The following TLN2 variants were observed in gnomAD, a reference collection of about 807,000 sequenced individuals.
The protein encoded by TLN2 is talin 2.
In TLN2, 118 loss-of-function variants were observed where a neutral mutation model predicts 294.7. That is an observed-to-expected ratio of 0.40 (90% CI 0.34 to 0.47). The LOEUF is 0.47. Among genes scored for constraint, TLN2 ranks in the 20% least tolerant of loss-of-function variants. TLN2 has a pLI of 0.84. For synonymous variants in TLN2, 1,431 were observed against 1,304.5 expected (o/e 1.10, Z -2.09); for missense variants, 3,083 against 3,282.2 (o/e 0.94, Z 1.48).
At chr15:62,650,538 C>G (rs2140941727) in intron 5 of TLN2, among the ~76,000 whole-genome samples, 1 of 152,136 alleles carries the variant, frequency 6.6e-6, no homozygotes, top group South Asian at 2.1e-4. Flanking sequence ...AAATGTAACC[C>G]TAATGGTAGT....
In TLN2 at chr15:62,744,639, CG is replaced by C. The variant is rs1160364762; in HGVS notation, c.4026-3709del. Among the ~76,000 whole-genome samples, 7 of 151,950 alleles carry C rather than the reference CG, an allele frequency of 4.6e-5. No homozygotes were observed. In the East Asian group the frequency reaches 1.4e-3, roughly 29 times the overall value. On this transcript the variant is annotated intron_variant, in intron 32 of 58. Coordinates refer to ENST00000636159, the MANE Select transcript of TLN2 (RefSeq NM_015059.3). ...TCGGCTCACTGCAGCCTCCACCTCCCGGGTTCAAGTGATTCTCCTGGCTCAG... is the reference window on the plus strand; with the variant it reads ...TCGGCTCACTGCAGCCTCCACCTCCCGGTTCAAGTGATTCTCCTGGCTCAG...
At chr15:62,600,147 G>T (rs1173346010) in intron 2 of TLN2, among the ~76,000 whole-genome samples, 3 of 152,118 alleles carry the variant, frequency 2.0e-5, no homozygotes, top group Non-Finnish European at 4.4e-5. Flanking sequence ...AACAACAGTG[G>T]GTTATACAGG....
intron 1 of TLN2, among the ~76,000 whole-genome samples, chr15:62,403,228 AAGAG>A (rs1186162249): frequency 6.7e-6 from 1 of 149,894 alleles, no homozygotes; most frequent in Admixed American, 6.6e-5. Flanking sequence ...AAAAAAAAAA[AAGAG>A]AGGAAAAAAA....
At chr15:62,497,771 A>AT (rs571950074) in intron 1 of TLN2, among the ~76,000 whole-genome samples, 2 of 152,232 alleles carry the variant, frequency 1.3e-5, no homozygotes, top group Admixed American at 1.3e-4. Flanking sequence ...ATAGCTCTAA[A>AT]TTTTTTTAAG....
At position 62,732,824 on chromosome 15, in the gene TLN2, G is replaced by T. The variant is rs141332809; in HGVS notation, c.3359-4054G>T. Reference sequence around the variant, plus strand: ...TGGCCTTATAGCTGAGTGAAGAGTTGTATGAATCACTGGTGGGAACACAGG... The same window carrying T: ...TGGCCTTATAGCTGAGTGAAGAGTTTTATGAATCACTGGTGGGAACACAGG... On this transcript the variant is annotated intron_variant, in intron 28 of 58. Coordinates refer to ENST00000636159, the MANE Select transcript of TLN2 (RefSeq NM_015059.3). Among the ~76,000 whole-genome samples, 117 of 152,298 alleles carry T rather than the reference G, an allele frequency of 7.7e-4. 1 individual carries two copies. Among genetic ancestry groups the T allele is most frequent in the Middle Eastern group, 3.4e-3 (1 of 294 alleles).
chr15:62,634,211 G>T (rs181815550), intron 3 of TLN2, among the ~76,000 whole-genome samples: 1 of 152,306 alleles, frequency 6.6e-6, no homozygotes, highest in East Asian at 1.9e-4. Flanking sequence ...TATCAATTTT[G>T]TAGGTTGGTG....
intron 11 of TLN2, among the ~76,000 whole-genome samples, chr15:62,679,322 CAT>C (rs1175473258): frequency 3.3e-5 from 5 of 152,186 alleles, no homozygotes; most frequent in South Asian, 2.1e-4. Flanking sequence ...AAAACTCACA[CAT>C]ATGTGTTCAC....
intron 1 of TLN2, among the ~76,000 whole-genome samples, chr15:62,506,494 T>A (rs2039629218): frequency 2.0e-5 from 3 of 152,238 alleles, no homozygotes; most frequent in Admixed American, 6.5e-5. Flanking sequence ...ACATTTGGAA[T>A]TCCTAGGAAC....
Position 62,719,796 on chromosome 15 carries a change from C to G in TLN2, c.2907C>G (p.Val969=), listed in dbSNP as rs1412861476. ...TGGCTGATCACATCCCTCAGCTGGT[C>G]CAGGGAGTGAGGGGGAGCCAAGCTC... ...KAVADHIPQL[V]QGVRGSQAQA... Residue 969 remains valine (V), a synonymous_variant, in exon 25 of 59, where the codon GTC becomes GTG. Transcript: ENST00000636159. 1.9e-6 allele frequency: 3 copies of G among 1,610,642 alleles called. No individual in the cohort carries two copies. The highest frequency in any genetic ancestry group is 2.5e-6 in the Non-Finnish European group (3 of 1,178,232).
At chr15:62,834,174 T>C (rs1319079065) in intron 55 of TLN2, 1 of 123,908 alleles carries the variant, frequency 8.1e-6, no homozygotes, top group Admixed American at 8.3e-5. Context: ...AAAAGTATAG[T>C]GTTTTTTGTT....
rs1444924361 is a variant in TLN2, at chr15:62,804,211, C to T, written c.6478-1389C>T. Among the ~76,000 whole-genome samples the T allele has an allele frequency of 1.6e-4, 24 of 152,278 alleles. No individual in the cohort carries two copies. The East Asian group carries it at 4.6e-3, about 29-fold the overall frequency. On this transcript the variant is annotated intron_variant, in intron 50 of 58. Coordinates refer to ENST00000636159, the MANE Select transcript of TLN2 (RefSeq NM_015059.3). ...ATAGCTTCTGACATGCATAGGCAGG[C>T]CTAATGGTGGTGATCAAAGAGACTT...
chr15:62,699,464 G>A (rs999544597), intron 16 of TLN2, among the ~76,000 whole-genome samples: 52 of 151,802 alleles, frequency 3.4e-4, no homozygotes, highest in African/African-American at 1.1e-3. Flanking sequence ...AACACTGCAT[G>A]CCTGGGGACT....
At chr15:62,415,407 A>G (rs2034017861) in intron 1 of TLN2, among the ~76,000 whole-genome samples, 1 of 142,414 alleles carries the variant, frequency 7.0e-6, no homozygotes, top group Non-Finnish European at 1.5e-5. Context: ...TGTTTGATGA[A>G]CATTCTGCTG....
intron 1 of TLN2, chr15:62,561,412 G>A (rs2042948350): frequency 6.6e-6 from 1 of 152,232 alleles, no homozygotes; most frequent in Admixed American, 6.5e-5. Flanking sequence ...CTTCGCGAGA[G>A]GAGCTGAGGG....
intron 42 of TLN2, among the ~76,000 whole-genome samples, chr15:62,771,440 C>T (rs1020370693): frequency 3.3e-5 from 5 of 152,226 alleles, no homozygotes; most frequent in Non-Finnish European, 7.3e-5. Flanking sequence ...CTGCTCAGCA[C>T]TGACACCCAG....
chr15:62,579,957 C>T (rs369028358), intron 1 of TLN2, among the ~76,000 whole-genome samples: 5 of 152,082 alleles, frequency 3.3e-5, no homozygotes, highest in Non-Finnish European at 5.9e-5. Context: ...CTGTTCAACC[C>T]GAGTGCTCTG....
intron 1 of TLN2, among the ~76,000 whole-genome samples, chr15:62,443,089 A>G (rs1487616533): frequency 6.6e-6 from 1 of 152,104 alleles, no homozygotes; most frequent in Non-Finnish European, 1.5e-5. Context: ...ATCCAGACTA[A>G]TCTCCCCATC....
chr15:62,833,043 A>G (rs2069042954), intron 54 of TLN2: 1 of 152,404 alleles, frequency 6.6e-6, no homozygotes, highest in Non-Finnish European at 1.5e-5. Context: ...TGGGATGTCA[A>G]GCTAACGGCT....
intron 3 of TLN2, among the ~76,000 whole-genome samples, chr15:62,626,236 T>C (rs6494327): frequency 0.26 from 40,220 of 152,102 alleles, 6,182 homozygotes; most frequent in East Asian, 0.56. Context: ...TATCTTGTAT[T>C]TTCTGGAGTT....
Sources: allele counts gnomAD v4.1 joint callset (sites outside exome capture counted in the v4.1 genomes callset), GRCh38; gene constraint gnomAD v4.1.1; transcripts MANE v1.5; gene names NCBI Gene and HGNC (gene_info 2026-07-23, HGNC 2026-07-21).